The following LAMA1 variants were observed in gnomAD, a reference collection of about 807,000 sequenced individuals.
LAMA1 encodes the protein laminin subunit alpha 1.
LAMA1 carries 219 observed loss-of-function variants against 348.7 expected under a neutral mutation model. The ratio of observed to expected loss-of-function variants is 0.63; its 90% CI spans 0.56 to 0.70. The LOEUF is 0.70. LAMA1 is among the 30% of genes least tolerant of loss of function. The pLI, the probability that LAMA1 is intolerant of heterozygous loss-of-function variation, is 0.00. For synonymous variants in LAMA1, 1,487 were observed against 1,491.0 expected, an observed-to-expected ratio of 1.00 and a Z score of 0.06; for missense variants, 3,744 against 3,888.0, an observed-to-expected ratio of 0.96 and a Z score of 0.99.
chr18:7,041,892 C>T (rs1434208041), intron 9 of LAMA1, among the ~76,000 whole-genome samples: 1 of 152,196 alleles, frequency 6.6e-6, no homozygotes, highest in Non-Finnish European at 1.5e-5. Flanking sequence ...TACCTCTCGA[C>T]CTGGCATTAT....
At chr18:7,040,949 A>C (rs1448192905) in intron 9 of LAMA1, among the ~76,000 whole-genome samples, 1 of 152,216 alleles carries the variant, frequency 6.6e-6, no homozygotes, top group Non-Finnish European at 1.5e-5. Context: ...TCTGCAAAGA[A>C]AAAGGTAATT....
rs569345690 is a variant in LAMA1 at position 7,043,691 on chromosome 18, C to T, written c.977-286G>A. 2.0e-5 allele frequency among the ~76,000 whole-genome samples: 3 copies of T among 152,266 alleles called. No individual in the cohort carries two copies. The East Asian group carries it at 5.8e-4, about 29-fold the overall frequency. Reference sequence around the variant, plus strand: ...AGGACACATACAGGGTTAATCACTGCACCATTGTTTGTGTGGACAACAGAC... The same window carrying T: ...AGGACACATACAGGGTTAATCACTGTACCATTGTTTGTGTGGACAACAGAC... On this transcript the variant is annotated intron_variant, in intron 7 of 62. Coordinates refer to ENST00000389658, the MANE Select transcript of LAMA1 (RefSeq NM_005559.4).
chr18:6,978,312 G>A lies in LAMA1; in HGVS notation c.6074C>T (p.Thr2025Met), dbSNP rs369357135. 2.2e-5 allele frequency: 35 copies of A among 1,614,118 alleles called. No individual in the cohort carries two copies. The highest frequency in any genetic ancestry group is 1.6e-4 in the South Asian group (15 of 91,088). The change falls in exon 43 of 63, where the codon ACG becomes ATG. Residue 2025 changes from threonine to methionine, a missense_variant. Transcript: ENST00000389658. ...ATSASQSAVSTLRDVAGLSQE... is the reference protein window; with the variant it reads ...ATSASQSAVSMLRDVAGLSQE... Reference sequence around the variant, plus strand: ...GCTCAGCCCCGCCACGTCCCTCAGCGTGCTCACCGCGCTCTGGCTTGCAGA... The same window carrying A: ...GCTCAGCCCCGCCACGTCCCTCAGCATGCTCACCGCGCTCTGGCTTGCAGA...
At chr18:6,967,408 G>C (rs1346423439) in intron 48 of LAMA1, among the ~76,000 whole-genome samples, 1 of 152,152 alleles carries the variant, frequency 6.6e-6, no homozygotes, top group African/African-American at 2.4e-5. Flanking sequence ...TGTGCCGGAG[G>C]ATAGAGACTC....
chr18:6,995,490 A>G, intron 33 of LAMA1, 44 bp from the exon 34 acceptor site: 2 of 1,032,678 alleles, frequency 1.9e-6, no homozygotes, highest in Non-Finnish European at 1.5e-6. Flanking sequence ...TCGAAGTAAA[A>G]TGTTCTGATT....
chr18:7,009,854 T>C (rs890681062), intron 26 of LAMA1, among the ~76,000 whole-genome samples: 5 of 152,202 alleles, frequency 3.3e-5, no homozygotes, highest in African/African-American at 1.2e-4. Flanking sequence ...TCGCACAAGC[T>C]GGAGTACAGT....
intron 1 of LAMA1, among the ~76,000 whole-genome samples, chr18:7,086,583 C>T (rs191059254): frequency 4.1e-4 from 63 of 152,212 alleles, no homozygotes; most frequent in Admixed American, 1.3e-3. Context: ...CCTGTCTCTC[C>T]CCAGTTCTTC....
chr18:7,095,604 T>C (rs2058257888), intron 1 of LAMA1, among the ~76,000 whole-genome samples: 1 of 152,230 alleles, frequency 6.6e-6, no homozygotes, highest in Non-Finnish European at 1.5e-5. Context: ...TCTGGGGCTA[T>C]GGGCCCAAGC....
Position 6,969,055 on chromosome 18 carries a change from A to G in LAMA1, c.6900-2758T>C, listed in dbSNP as rs1396791085. On this transcript the variant is annotated intron_variant, in intron 48 of 62. Coordinates refer to ENST00000389658, the MANE Select transcript of LAMA1 (RefSeq NM_005559.4). ...ACCTAAAATGAAGACGGTTCAATCA[A>G]TTTACAAACAGACGTAAAGTGCCAG... Among the ~76,000 whole-genome samples, 4 of 152,304 alleles carry G rather than the reference A, an allele frequency of 2.6e-5. No individual in the cohort carries two copies. The East Asian group carries it at 7.7e-4, about 29-fold the overall frequency.
chr18:7,104,870 G>A (rs112560208), intron 1 of LAMA1, among the ~76,000 whole-genome samples: 2,252 of 152,296 alleles, frequency 0.015, 51 homozygotes, highest in African/African-American at 0.052. Context: ...CCCTGCAGAC[G>A]GGCCCAGGCC....
At chr18:6,953,369 G>A (rs905550156) in intron 57 of LAMA1, among the ~76,000 whole-genome samples, 3 of 152,266 alleles carry the variant, frequency 2.0e-5, no homozygotes, top group Non-Finnish European at 4.4e-5. Flanking sequence ...CTGGCATATT[G>A]TTATAATTCT....
At chr18:7,070,501 T>A (rs1213861979) in intron 3 of LAMA1, among the ~76,000 whole-genome samples, 1 of 152,164 alleles carries the variant, frequency 6.6e-6, no homozygotes, top group Admixed American at 6.5e-5. Context: ...TATATTTGAA[T>A]GATATAATAA....
Position 7,059,696 on chromosome 18 carries a change from TG to T in LAMA1, c.346-8761del, listed in dbSNP as rs1339583354. 2.0e-5 allele frequency among the ~76,000 whole-genome samples: 3 copies of T among 152,170 alleles called. No individual in the cohort carries two copies. The East Asian group carries it at 5.8e-4, about 29-fold the overall frequency. On this transcript the variant is annotated intron_variant, in intron 3 of 62. Coordinates refer to ENST00000389658, the MANE Select transcript of LAMA1 (RefSeq NM_005559.4). Reference sequence around the variant, plus strand: ...TCTCCGCAGGCTCTCAGGAAATCTATGGGGCTCAATACCAGGCATGACTCCG... The same window carrying T: ...TCTCCGCAGGCTCTCAGGAAATCTATGGGCTCAATACCAGGCATGACTCCG...
At position 7,008,510 on chromosome 18, in the gene LAMA1, C is replaced by A; in HGVS notation, c.4100G>T (p.Gly1367Val). ...TACCTGACATGAGAATCCCACAGTG[C>A]CAGGAGGACAGACACAATTCTCTAA... ...SLLENCVCPP[G>V]TVGFSCQDCA... is the part of the protein sequence containing the mutation. The change falls in exon 28 of 63, where the codon GGC (glycine) becomes GTC (valine). Residue 1367 changes from glycine (G) to valine (V), a missense_variant. By Grantham distance (109) the Gly-to-Val change is moderately radical. Around this residue, in one of 3 missense-constraint regions of LAMA1, gnomAD observed 1,983 missense variants for 1,934.3 expected, o/e 1.03. Transcript: ENST00000389658. 1 of 1,614,018 alleles carries A rather than the reference C, an allele frequency of 6.2e-7. No individual in the cohort carries two copies. Among genetic ancestry groups the A allele is most frequent in the Non-Finnish European group, 8.5e-7 (1 of 1,179,958 alleles).
chr18:7,090,236 G>A (rs115643584), intron 1 of LAMA1, among the ~76,000 whole-genome samples: 3,624 of 152,268 alleles, frequency 0.024, 76 homozygotes, highest in African/African-American at 0.06. Flanking sequence ...TCAAAGACCA[G>A]TATTCTCAGT....
chr18:6,979,419 G>C (rs990144402), intron 42 of LAMA1, among the ~76,000 whole-genome samples: 3 of 152,140 alleles, frequency 2.0e-5, no homozygotes, highest in Admixed American at 6.5e-5. Context: ...TGTAATCCCA[G>C]AACTTTGGGA....
intron 17 of LAMA1, among the ~76,000 whole-genome samples, chr18:7,025,174 G>T (rs1483041308): frequency 6.6e-6 from 1 of 152,186 alleles, no homozygotes; most frequent in Non-Finnish European, 1.5e-5. Context: ...ACTTGCCCCA[G>T]TGTGACTATA....
chr18:6,959,430 C>G lies in LAMA1; in HGVS notation c.7689G>C (p.Gly2563=), dbSNP rs780431731. 3.7e-6 allele frequency: 6 copies of G among 1,614,040 alleles called. No individual in the cohort carries two copies. In the African/African-American group the frequency reaches 5.3e-5, roughly 14 times the overall value. ...NIEVHVNPGD[G]TGLRKALLHA... ...GCAGGAGAGCTTTTCTCAGGCCTGT[C>G]CCATCCCCAGGATTGACATGTACCT... The change falls in exon 54 of 63, where the codon GGG becomes GGC. Residue 2563 remains glycine, a synonymous_variant. Coordinates refer to ENST00000389658, the MANE Select transcript of LAMA1 (RefSeq NM_005559.4).
intron 5 of LAMA1, 97 bp downstream of exon 5, chr18:7,048,981 G>T: frequency 8.2e-7 from 1 of 1,224,080 alleles, no homozygotes; most frequent in Non-Finnish European, 1.2e-6. Flanking sequence ...ACATGTCGGG[G>T]AAAGAACAAC....
Sources: allele counts gnomAD v4.1 joint callset (sites outside exome capture counted in the v4.1 genomes callset), GRCh38; gene constraint gnomAD v4.1.1; regional missense constraint gnomAD v4.1.1; transcripts MANE v1.5; gene names NCBI Gene and HGNC (gene_info 2026-07-23, HGNC 2026-07-21).